AGFG1: variants seen among roughly 807,000 people sequenced by gnomAD.
AGFG1 encodes the protein arf-GAP domain and FG repeat-containing protein 1.
A neutral mutation model predicts 60.6 loss-of-function variants in AGFG1; 10 were observed. The observed-to-expected ratio is 0.16, with a 90% CI of 0.10 to 0.28. AGFG1 has a LOEUF of 0.28. Among genes scored for constraint, AGFG1 ranks in the 10% least tolerant of loss-of-function variants. The pLI is 1.00. For missense variants in AGFG1, 537 were observed against 676.5 expected, an observed-to-expected ratio of 0.79 and a Z score of 2.29; for synonymous variants, 247 against 242.9, an observed-to-expected ratio of 1.02 and a Z score of -0.16.
At chr2:227,477,915 T>C (rs996238184) in intron 1 of AGFG1, among the ~76,000 whole-genome samples, 5 of 152,102 alleles carry the variant, frequency 3.3e-5, no homozygotes, top group African/African-American at 1.2e-4. Flanking sequence ...CAGCCCAGAA[T>C]AGATATTTTA....
At chr2:227,505,775 G>A (rs1001498212) in intron 2 of AGFG1, among the ~76,000 whole-genome samples, 1 of 151,892 alleles carries the variant, frequency 6.6e-6, no homozygotes, top group African/African-American at 2.4e-5. Flanking sequence ...GTCTTATTCT[G>A]TCGTCCAGGC....
At chr2:227,509,133 C>T (rs1273034563) in intron 2 of AGFG1, among the ~76,000 whole-genome samples, 3 of 152,258 alleles carry the variant, frequency 2.0e-5, no homozygotes, top group South Asian at 2.1e-4. Context: ...GATAAAGATA[C>T]ATTTTAACCA....
intron 2 of AGFG1, among the ~76,000 whole-genome samples, chr2:227,516,512 G>A (rs1046210093): frequency 6.6e-5 from 10 of 152,192 alleles, no homozygotes; most frequent in South Asian, 6.2e-4. Context: ...GTTTGAATTT[G>A]TAGAGGACTC....
chr2:227,521,409 T>G (rs539914198), intron 3 of AGFG1, among the ~76,000 whole-genome samples: 2 of 152,324 alleles, frequency 1.3e-5, no homozygotes, highest in South Asian at 4.1e-4. Flanking sequence ...GTCAGGGCTA[T>G]ATTCAGCTGT....
At chr2:227,498,645 G>A (rs1691052996) in intron 2 of AGFG1, among the ~76,000 whole-genome samples, 1 of 152,174 alleles carries the variant, frequency 6.6e-6, no homozygotes, top group African/African-American at 2.4e-5. Flanking sequence ...TTGGCTTTCA[G>A]AGAAATACAC....
Position 227,528,821 on chromosome 2 carries a change from T to C in AGFG1, c.695-2270T>C, listed in dbSNP as rs114793483. On this transcript the variant is annotated intron_variant, in intron 5 of 12. Coordinates refer to ENST00000310078, the MANE Select transcript of AGFG1 (RefSeq NM_004504.5). The stretch of plus-strand genomic sequence containing the variant: ...GCACTAATACTTTCAACAGCTCCCT[T>C]AAAATGCACTTTGAAAACAATAGCC... 3.4e-3 allele frequency among the ~76,000 whole-genome samples: 517 copies of C among 152,302 alleles called. 3 individuals are homozygous for C. The highest frequency in any genetic ancestry group is 0.012 in the African/African-American group (491 of 41,568).
At chr2:227,490,715 G>A (rs1276190984) in intron 1 of AGFG1, among the ~76,000 whole-genome samples, 1 of 152,142 alleles carries the variant, frequency 6.6e-6, no homozygotes, top group Non-Finnish European at 1.5e-5. Flanking sequence ...AGATTATTGG[G>A]CCATTATTCT....
At chr2:227,518,374 A>G (rs1187198268) in intron 2 of AGFG1, among the ~76,000 whole-genome samples, 1 of 152,170 alleles carries the variant, frequency 6.6e-6, no homozygotes, top group Non-Finnish European at 1.5e-5. Context: ...GAAACTGCCA[A>G]ATGTTTTCCA....
chr2:227,557,086 AAGG>A lies in AGFG1; in HGVS notation c.*2594_*2596del, dbSNP rs1686583437. The A allele has an allele frequency of 6.6e-6, 1 of 152,222 alleles. No individual in the cohort carries two copies. The highest frequency in any genetic ancestry group is 2.4e-5 in the African/African-American group (1 of 41,460). 9.4% of individuals were successfully genotyped at this position (152,222 alleles called of 1,614,324 possible). On this transcript the variant is annotated 3_prime_UTR_variant, in exon 13 of 13. Coordinates refer to ENST00000310078, the MANE Select transcript of AGFG1 (RefSeq NM_004504.5). The stretch of plus-strand genomic sequence containing the variant: ...CATCAAAATTATGTTGAGTACTAAA[AAGG>A]AGAAAAAATCCTGGAAGGTAACAAG...
chr2:227,509,921 T>A (rs1307245483), intron 2 of AGFG1, among the ~76,000 whole-genome samples: 1 of 152,078 alleles, frequency 6.6e-6, no homozygotes, highest in Non-Finnish European at 1.5e-5. Flanking sequence ...TTTAACTAGA[T>A]AAAACAAGGA....
chr2:227,545,653 G>T (rs1692624621), intron 10 of AGFG1, among the ~76,000 whole-genome samples: 1 of 152,052 alleles, frequency 6.6e-6, no homozygotes, highest in Non-Finnish European at 1.5e-5. Context: ...TTTGGTGTGG[G>T]TGTCCTTTTT....
In AGFG1 at chr2:227,557,851, T is replaced by C. The variant is rs749282257; in HGVS notation, c.*3356T>C. 3 of 152,202 alleles carry C rather than the reference T, an allele frequency of 2.0e-5. No homozygotes were observed. The highest frequency in any genetic ancestry group is 6.5e-5 in the Admixed American group (1 of 15,276). The allele number at this position is 152,202 out of a possible 1,614,324, so 9.4% of individuals were successfully genotyped here. On this transcript the variant is annotated 3_prime_UTR_variant, in exon 13 of 13. Transcript: ENST00000310078. The stretch of plus-strand genomic sequence containing the variant: ...GATCAGGAGAATGAAAACTATGTAA[T>C]ATCTCAGTAGTACAATGAAAATAGT...
In AGFG1 at chr2:227,481,863, C is replaced by CTT. The variant is rs769166509; in HGVS notation, c.167+9296_167+9297dup. ...GAAGAGATTTAGATTTTGTCCACTA[C>CTT]TTTTTTTTTTTTTTTTTTTTTTGAG... On this transcript the variant is annotated intron_variant, in intron 1 of 12. Coordinates refer to ENST00000310078, the MANE Select transcript of AGFG1 (RefSeq NM_004504.5). Among the ~76,000 whole-genome samples the CTT allele has an allele frequency of 2.6e-3, 308 of 117,534 alleles. 2 individuals carry two copies. The highest frequency in any genetic ancestry group is 3.1e-3 in the Non-Finnish European group (177 of 56,640). The allele number at this position is 117,534 out of a possible 152,430, so 77.1% of individuals were successfully genotyped here. A position where few individuals can be genotyped will look rare whatever the true frequency, so the allele number is the denominator to read the frequency against.
chr2:227,532,383 A>G (rs538868469), intron 6 of AGFG1, among the ~76,000 whole-genome samples: 35 of 152,312 alleles, frequency 2.3e-4, no homozygotes, highest in African/African-American at 7.5e-4. Context: ...TAGACAATCA[A>G]AGAGTTACTT....
rs143659437 is a variant in AGFG1 at position 227,509,332 on chromosome 2, CAT to C, written c.262-10614_262-10613del. ...GCTGGCCTGTACTCTTCAAAGATAT[CAT>C]AGTCATGAAAGACAGAAAGAGTAAA... On this transcript the variant is annotated intron_variant, in intron 2 of 12. Transcript: ENST00000310078. Among the ~76,000 whole-genome samples the C allele has an allele frequency of 4.1e-3, 618 of 152,202 alleles. 4 individuals are homozygous for C. Among genetic ancestry groups the C allele is most frequent in the African/African-American group, 0.014 (597 of 41,546 alleles).
chr2:227,517,082 C>G (rs191637316), intron 2 of AGFG1, among the ~76,000 whole-genome samples: 39 of 152,248 alleles, frequency 2.6e-4, no homozygotes, highest in African/African-American at 9.1e-4. Flanking sequence ...TCTTAAAGGT[C>G]TGTAGTATTT....
At chr2:227,477,777 T>C (rs1329358657) in intron 1 of AGFG1, among the ~76,000 whole-genome samples, 1 of 151,834 alleles carries the variant, frequency 6.6e-6, no homozygotes, top group South Asian at 2.1e-4. Context: ...GGCTAAATTT[T>C]TTTTGTATTT....
At chr2:227,482,049 T>C (rs1293448035) in intron 1 of AGFG1, among the ~76,000 whole-genome samples, 1 of 151,948 alleles carries the variant, frequency 6.6e-6, no homozygotes, top group Admixed American at 6.6e-5. Context: ...GTATTTTTAG[T>C]AAAGACGGGG....
At chr2:227,553,141 C>T (rs1209704133) in intron 11 of AGFG1, among the ~76,000 whole-genome samples, 3 of 152,140 alleles carry the variant, frequency 2.0e-5, no homozygotes, top group Non-Finnish European at 2.9e-5. Context: ...GTCACAAGCT[C>T]GTCTAGTAAT....
Sources: gnomAD v4.1 joint callset for allele counts (sites outside exome capture counted in the v4.1 genomes callset) on GRCh38, gnomAD v4.1.1 for gene constraint, MANE v1.5 for transcripts, NCBI Gene and HGNC (gene_info 2026-07-23, HGNC 2026-07-21) for gene names.